Variants in RASSF5 observed in about 807,000 individuals in gnomAD.
RASSF5 encodes Ras association domain family member 5.
Under a neutral mutation model 40.5 loss-of-function variants are expected in RASSF5, and 25 were observed. The observed-to-expected ratio is 0.62, with a 90% CI of 0.45 to 0.86. The LOEUF (loss-of-function observed/expected upper bound fraction) is 0.86. Among genes scored for constraint, RASSF5 ranks in the 40% least tolerant of loss-of-function variants. RASSF5 has a pLI of 0.00. For missense variants in RASSF5, 521 were observed against 572.8 expected, an observed-to-expected ratio of 0.91 and a Z score of 0.92; for synonymous variants, 246 against 252.4, an observed-to-expected ratio of 0.97 and a Z score of 0.24.
chr1:206,583,320 A>T lies in RASSF5; in HGVS notation c.631A>T (p.Ile211Phe). ...ETQRPPTLQE[I>F]KQKIDSYNTR... ...ACAGCGCCCGCCCACACTGCAGGAG[A>T]TCAAGCAGAAGATCGACAGCTACAA... is the stretch of plus-strand genomic sequence containing the variant. Residue 211 changes from isoleucine (I) to phenylalanine (F), a missense_variant, in exon 3 of 6, where the codon ATC becomes TTC. Around this residue, in one of 2 missense-constraint regions of RASSF5, gnomAD observed 284 missense variants for 360.8 expected, o/e 0.79. Coordinates refer to ENST00000579436, the MANE Select transcript of RASSF5 (RefSeq NM_182663.4). 6.2e-7 allele frequency: 1 copy of T among 1,613,464 alleles called. No homozygotes were observed. Among genetic ancestry groups the T allele is most frequent in the Non-Finnish European group, 8.5e-7 (1 of 1,179,720 alleles).
At chr1:206,569,032 G>T (rs1004847657) in intron 2 of RASSF5, among the ~76,000 whole-genome samples, 2 of 152,246 alleles carry the variant, frequency 1.3e-5, no homozygotes, top group African/African-American at 4.8e-5. Flanking sequence ...GGTAGTGGGA[G>T]AACATCTGGA....
In RASSF5 at chr1:206,584,918, C is replaced by G. The variant is rs1002844529; in HGVS notation, c.988+234C>G. 1.8e-5 allele frequency: 11 copies of G among 609,976 alleles called. No homozygotes were observed. Among genetic ancestry groups the G allele is most frequent in the Non-Finnish European group, 3.2e-5 (11 of 345,746 alleles). The allele number at this position is 609,976 out of a possible 1,614,324, so 37.8% of individuals were successfully genotyped here. ...ACACCCTAGGCTCCCATTTCCTGAT[C>G]TGTGCAATGGGAGGAATCTGCCCCA... On this transcript the variant is annotated intron_variant, in intron 4 of 5. Transcript: ENST00000579436. The surrounding 1 kb of genome is among the most constrained non-coding windows in gnomAD (Gnocchi z 4.9).
intron 2 of RASSF5, among the ~76,000 whole-genome samples, chr1:206,555,632 G>A (rs554284315): frequency 3.3e-5 from 5 of 152,296 alleles, no homozygotes; most frequent in South Asian, 2.1e-4. Context: ...CCCCAGCCCC[G>A]GGTGCTGACC....
chr1:206,516,243 A>T (rs1201846636), intron 1 of RASSF5, among the ~76,000 whole-genome samples: 1 of 152,200 alleles, frequency 6.6e-6, no homozygotes. Flanking sequence ...CCATCATTAC[A>T]GTAGAAAAAT....
chr1:206,516,398 G>C (rs553082989), intron 1 of RASSF5, among the ~76,000 whole-genome samples: 2 of 152,216 alleles, frequency 1.3e-5, no homozygotes, highest in South Asian at 4.1e-4. Context: ...AAAGAGAAGT[G>C]AGGTCAGCAT....
At chr1:206,581,453 G>T (rs923963530) in intron 2 of RASSF5, among the ~76,000 whole-genome samples, 2 of 152,080 alleles carry the variant, frequency 1.3e-5, no homozygotes, top group East Asian at 3.8e-4. Flanking sequence ...ACAAAAATTA[G>T]CTGGGTGTGG....
intron 1 of RASSF5, among the ~76,000 whole-genome samples, chr1:206,524,773 A>T (rs1667055713): frequency 1.3e-5 from 2 of 148,476 alleles, no homozygotes; most frequent in African/African-American, 2.5e-5. Flanking sequence ...CCTAGCAGGG[A>T]GTCAGTTAAT....
chr1:206,523,898 CAT>C (rs1197296091), intron 1 of RASSF5, among the ~76,000 whole-genome samples: 81 of 104,278 alleles, frequency 7.8e-4, no homozygotes, highest in Middle Eastern at 0.011. Context: ...TTTCATGTAA[CAT>C]ATATATTTTA....
At chr1:206,523,678 T>TAAA (rs1553396517) in intron 1 of RASSF5, among the ~76,000 whole-genome samples, 1 of 97,158 alleles carries the variant, frequency 1.0e-5, no homozygotes, top group African/African-American at 4.3e-5. Flanking sequence ...ATATATTATA[T>TAAA]ATAAATATAT....
intron 2 of RASSF5, among the ~76,000 whole-genome samples, chr1:206,568,106 C>T (rs782768488): frequency 1.3e-5 from 2 of 152,198 alleles, no homozygotes; most frequent in Admixed American, 6.5e-5. Flanking sequence ...GCAGTACCAT[C>T]TTGGAGTCAC....
At position 206,560,007 on chromosome 1, in the gene RASSF5, A is replaced by C. The variant is rs1668093947; in HGVS notation, c.579+21714A>C. 6.6e-6 allele frequency among the ~76,000 whole-genome samples: 1 copy of C among 152,168 alleles called. No homozygotes were observed. Among genetic ancestry groups the C allele is most frequent in the Non-Finnish European group, 1.5e-5 (1 of 68,026 alleles). On this transcript the variant is annotated intron_variant, in intron 2 of 5. Coordinates refer to ENST00000579436, the MANE Select transcript of RASSF5 (RefSeq NM_182663.4). This position sits in a 1 kb window ranked among gnomAD's most constrained non-coding sequence, Gnocchi z 5.1. ...CTTTTCTCCCTTGGATCACTTCTGG[A>C]AAGGGTTTTAAAGAGCTCTGCCATA... is the stretch of plus-strand genomic sequence containing the variant.
intron 2 of RASSF5, among the ~76,000 whole-genome samples, chr1:206,562,607 T>C (rs1668174343): frequency 2.0e-5 from 3 of 152,132 alleles, no homozygotes; most frequent in African/African-American, 7.2e-5. Flanking sequence ...CGCATCTCCT[T>C]CAGGTCCAAC....
chr1:206,520,642 G>A (rs6684681), intron 1 of RASSF5, among the ~76,000 whole-genome samples: 59,975 of 150,706 alleles, frequency 0.4, 12,902 homozygotes, highest in South Asian at 0.57. Context: ...AAACAGGCTT[G>A]GAGCCAGGCT....
chr1:206,547,286 T>C (rs11119012), intron 2 of RASSF5, among the ~76,000 whole-genome samples: 83,499 of 151,934 alleles, frequency 0.55, 23,129 homozygotes, highest in East Asian at 0.74. Flanking sequence ...TCAGGTTGCA[T>C]AGCAGGAGGT....
In RASSF5 at chr1:206,531,882, AT is replaced by A. The variant is rs200662998; in HGVS notation, c.458-6289del. 1.9e-3 allele frequency among the ~76,000 whole-genome samples: 277 copies of A among 144,942 alleles called. No individual in the cohort carries two copies. The highest frequency in any genetic ancestry group is 3.5e-3 in the Middle Eastern group (1 of 284). On this transcript the variant is annotated intron_variant, in intron 1 of 5. Coordinates refer to ENST00000579436, the MANE Select transcript of RASSF5 (RefSeq NM_182663.4). The surrounding 1 kb of genome is among the most constrained non-coding windows in gnomAD (Gnocchi z 4.7). Reference sequence around the variant, plus strand: ...GAAACCCTGTCTCTACTAAAAAAAAATAAATAAATAAATACAAAAATTAGCC... The same window carrying A: ...GAAACCCTGTCTCTACTAAAAAAAAAAAATAAATAAATACAAAAATTAGCC...
At chr1:206,532,939 T>C (rs923184606) in intron 1 of RASSF5, among the ~76,000 whole-genome samples, 6 of 152,242 alleles carry the variant, frequency 3.9e-5, no homozygotes, top group African/African-American at 1.4e-4. Flanking sequence ...ACTCAGGCTA[T>C]GCAGCCACAC....
At position 206,507,611 on chromosome 1, in the gene RASSF5, G is replaced by C. The variant is rs1553393899; in HGVS notation, c.9G>C (p.Met3Ile). The C allele has an allele frequency of 6.6e-6, 10 of 1,515,786 alleles. No homozygotes were observed. The South Asian group carries it at 1.2e-4, about 18-fold the overall frequency. The allele number at this position is 1,515,786 out of a possible 1,614,324, so 93.9% of individuals were successfully genotyped here. ...GCCGCCACTAGCCGGGCATGGCCAT[G>C]GCGTCCCCGGCCATCGGGCAGCGCC... Reference protein sequence around the residue: MAMASPAIGQRPY... With the variant: MAIASPAIGQRPY... The change falls in exon 1 of 6, where the codon ATG becomes ATC. Residue 3 changes from methionine to isoleucine, a missense_variant. This residue lies in a region of RASSF5 where 237 missense variants were observed against 212.0 expected (regional missense o/e 1.12). Coordinates refer to ENST00000579436, the MANE Select transcript of RASSF5 (RefSeq NM_182663.4).
chr1:206,526,037 C>T (rs1023877764), intron 1 of RASSF5, among the ~76,000 whole-genome samples: 1 of 152,106 alleles, frequency 6.6e-6, no homozygotes, highest in African/African-American at 2.4e-5. Flanking sequence ...TCCATAAAGC[C>T]CTCCACCCCA....
chr1:206,586,282 A>G (rs1669108402), intron 5 of RASSF5: 1 of 153,594 alleles, frequency 6.5e-6, no homozygotes, highest in Non-Finnish European at 1.4e-5. Context: ...TTCTGCCATC[A>G]GAGGCCAAGT....
Sources: gnomAD v4.1 joint callset for allele counts (sites outside exome capture counted in the v4.1 genomes callset) on GRCh38, gnomAD v4.1.1 for gene constraint, gnomAD v4.1.1 regional missense constraint, Gnocchi (gnomAD v3.1) non-coding constraint, MANE v1.5 for transcripts, NCBI Gene and HGNC (gene_info 2026-07-23, HGNC 2026-07-21) for gene names.